RHAG: variants seen among roughly 807,000 people sequenced by gnomAD.
RHAG encodes ammonium transporter Rh type A.
Under a neutral mutation model 42.4 loss-of-function variants are expected in RHAG, and 25 were observed. That is an observed-to-expected ratio of 0.59 (90% CI 0.43 to 0.82). The LOEUF is 0.82. Among genes scored for constraint, RHAG ranks in the 40% least tolerant of loss-of-function variants. The probability of loss-of-function intolerance (pLI) is 0.00; values close to 1 mark genes in which losing one functional copy is unlikely to be tolerated. For missense variants in RHAG, 483 were observed against 504.6 expected, an observed-to-expected ratio of 0.96 and a Z score of 0.41; for synonymous variants, 182 against 177.7, an observed-to-expected ratio of 1.02 and a Z score of -0.19.
chr6:49,629,584 C>T (rs962259408), intron 1 of RHAG, among the ~76,000 whole-genome samples: 19 of 151,882 alleles, frequency 1.3e-4, no homozygotes, highest in African/African-American at 2.4e-4. Context: ...TGGGACTGGG[C>T]GCCGTGGAGC....
At chr6:49,609,853 A>C (rs1762541342) in intron 7 of RHAG, among the ~76,000 whole-genome samples, 1 of 152,322 alleles carries the variant, frequency 6.6e-6, no homozygotes, top group Admixed American at 6.5e-5. Context: ...CATGCTTTCA[A>C]TTGGATTTAA....
At chr6:49,619,713 C>A (rs534856861) in intron 1 of RHAG, among the ~76,000 whole-genome samples, 1 of 152,308 alleles carries the variant, frequency 6.6e-6, no homozygotes, top group Admixed American at 6.5e-5. Context: ...TCCCAATACT[C>A]TCAGGAAACA....
At chr6:49,612,368 G>A (rs770566461) in intron 6 of RHAG, 29 bp downstream of exon 6, 60 of 1,612,840 alleles carry the variant, frequency 3.7e-5, no homozygotes, top group Non-Finnish European at 4.7e-5. Flanking sequence ...CAGATTCAGA[G>A]TTTGACTCAG....
rs1321778894 is a variant in RHAG, at chr6:49,605,720, A to C, written c.*93T>G. On this transcript the variant is annotated 3_prime_UTR_variant, in exon 10 of 10. Transcript: ENST00000371175. ...TTTGTTTATTTGGACTTGATTCTGG[A>C]TAATGGGAAAGGAAGCTGGAGAGCA... 8.6e-7 allele frequency: 1 copy of C among 1,167,524 alleles called. No homozygotes were observed. The highest frequency in any genetic ancestry group is 1.7e-5 in the Admixed American group (1 of 59,306). 72.3% of individuals were successfully genotyped at this position (1,167,524 alleles called of 1,614,324 possible).
intron 1 of RHAG, among the ~76,000 whole-genome samples, chr6:49,634,337 C>A (rs1319288616): frequency 6.6e-6 from 1 of 152,000 alleles, no homozygotes; most frequent in East Asian, 1.9e-4. Flanking sequence ...TACCTCCATG[C>A]AGAGAAAAGG....
At chr6:49,617,825 A>G (rs189986274) in intron 3 of RHAG, among the ~76,000 whole-genome samples, 7 of 152,230 alleles carry the variant, frequency 4.6e-5, no homozygotes, top group Non-Finnish European at 7.3e-5. Context: ...ATCAGTTTTT[A>G]TGGTGTATAC....
At chr6:49,610,942 A>G in intron 7 of RHAG, 82 bp downstream of exon 7, 1 of 1,563,834 alleles carries the variant, frequency 6.4e-7, no homozygotes, top group Non-Finnish European at 8.8e-7. Context: ...CAGAACAGCT[A>G]AAATGAAAAC....
intron 6 of RHAG, 123 bp from the exon 7 acceptor site, chr6:49,611,268 A>G (rs1762564727): frequency 2.7e-6 from 2 of 754,344 alleles, no homozygotes; most frequent in Non-Finnish European, 2.2e-6. Flanking sequence ...AATAATTTTT[A>G]TGTATATTTA....
Position 49,622,839 on chromosome 6 carries a change from T to G in RHAG, c.158-3477A>C, listed in dbSNP as rs1017587880. ...TTGATGGAAAACCAGACTTTTTTTT[T>G]TTTTGTTTTGTTTTGAGACGGAGTC... On this transcript the variant is annotated intron_variant, in intron 1 of 9. Coordinates refer to ENST00000371175, the MANE Select transcript of RHAG (RefSeq NM_000324.3). Among the ~76,000 whole-genome samples the G allele has an allele frequency of 2.0e-4, 29 of 147,770 alleles. 1 individual carries two copies. Among genetic ancestry groups the G allele is most frequent in the South Asian group, 1.3e-3 (6 of 4,586 alleles).
At chr6:49,622,322 T>A (rs1418903023) in intron 1 of RHAG, among the ~76,000 whole-genome samples, 1 of 151,738 alleles carries the variant, frequency 6.6e-6, no homozygotes, top group Non-Finnish European at 1.5e-5. Context: ...GCTCAAGTGA[T>A]TCTCCTGTCT....
intron 1 of RHAG, among the ~76,000 whole-genome samples, chr6:49,630,611 A>G (rs549016013): frequency 6.6e-6 from 1 of 152,304 alleles, no homozygotes; most frequent in Non-Finnish European, 1.5e-5. Flanking sequence ...TTATTGTTAC[A>G]TATTTCAAAT....
intron 8 of RHAG, 26 bp from the exon 9 acceptor site, chr6:49,606,947 C>T: frequency 2.0e-6 from 3 of 1,535,388 alleles, no homozygotes; most frequent in Non-Finnish European, 2.7e-6. Flanking sequence ...GAAAATGAGT[C>T]ATGTTGTGAC....
At position 49,611,092 on chromosome 6, in the gene RHAG, G is replaced by C. The variant is rs1384105836; in HGVS notation, c.999C>G (p.Leu333=). ...RIHDTCGVHN[L]HGLPGVVGGL... ...CTCCCACTACACCAGGTAAGCCGTG[G>C]AGGTTATGGACCCCACATGTATCAT... Residue 333 remains leucine, a synonymous_variant, in exon 7 of 10, where the codon CTC becomes CTG. Transcript: ENST00000371175. 6.2e-7 allele frequency: 1 copy of C among 1,613,856 alleles called. No individual in the cohort carries two copies. Among genetic ancestry groups the C allele is most frequent in the Non-Finnish European group, 8.5e-7 (1 of 1,179,856 alleles).
intron 9 of RHAG, 69 bp downstream of exon 9, chr6:49,606,779 C>T (rs1326227603): frequency 5.6e-6 from 6 of 1,064,494 alleles, no homozygotes; most frequent in Admixed American, 1.7e-5. Flanking sequence ...GATATCTAGG[C>T]TTGAAGTGTG....
intron 2 of RHAG, 46 bp from the exon 3 acceptor site, chr6:49,618,264 T>C (rs1409376627): frequency 1.2e-6 from 2 of 1,610,014 alleles, no homozygotes; most frequent in Non-Finnish European, 1.7e-6. Flanking sequence ...ACACCCAACA[T>C]AAAACTGACC....
Position 49,611,062 on chromosome 6 carries a change from A to C in RHAG, c.1029T>G (p.Leu343=). Residue 343 remains leucine, a synonymous_variant, in exon 7 of 10, where the codon CTT becomes CTG. Transcript: ENST00000371175. The part of the protein sequence containing the change: ...LHGLPGVVGG[L]AGIVAVAMGA... ...CCATTGCTACTGCCACAATGCCTGC[A>C]AGGCCTCCCACTACACCAGGTAAGC... The C allele has an allele frequency of 6.2e-7, 1 of 1,613,886 alleles. No individual in the cohort carries two copies. Among genetic ancestry groups the C allele is most frequent in the East Asian group, 2.2e-5 (1 of 44,870 alleles).
Position 49,631,822 on chromosome 6 carries a change from T to A in RHAG, c.157+4834A>T, listed in dbSNP as rs528591280. ...TTGTTAGGTCATATATTACAGACAG[T>A]ATATTAATTCAGTTATCATGACAAT... is the stretch of plus-strand genomic sequence containing the variant. On this transcript the variant is annotated intron_variant, in intron 1 of 9. Transcript: ENST00000371175. 6 of 152,344 alleles carry A rather than the reference T, an allele frequency of 3.9e-5. No homozygotes were observed. The East Asian group carries it at 7.7e-4, about 20-fold the overall frequency. 9.4% of individuals were successfully genotyped at this position (152,344 alleles called of 1,614,324 possible).
intron 1 of RHAG, among the ~76,000 whole-genome samples, chr6:49,633,605 T>C (rs1487304073): frequency 1.3e-5 from 2 of 152,124 alleles, no homozygotes; most frequent in African/African-American, 4.8e-5. Context: ...AACTTTTAAT[T>C]GTGAATAGAC....
chr6:49,631,502 C>A (rs1457376947), intron 1 of RHAG, among the ~76,000 whole-genome samples: 3 of 152,034 alleles, frequency 2.0e-5, no homozygotes, highest in Admixed American at 2.0e-4. Flanking sequence ...ACCATTATGT[C>A]ATTATTATTT....
Sources: gnomAD v4.1 joint callset for allele counts (sites outside exome capture counted in the v4.1 genomes callset) on GRCh38, gnomAD v4.1.1 for gene constraint, MANE v1.5 for transcripts, NCBI Gene and HGNC (gene_info 2026-07-23, HGNC 2026-07-21) for gene names.